Variants in MYH11 observed in about 807,000 individuals in gnomAD.
MYH11 encodes the protein myosin-11.
MYH11 carries 80 observed loss-of-function variants against 246.6 expected under a neutral mutation model. The observed-to-expected ratio is 0.32, with a 90% confidence interval of 0.27 to 0.39. MYH11 has a LOEUF of 0.39. Among genes scored for constraint, MYH11 ranks in the 10% least tolerant of loss-of-function variants. The probability of loss-of-function intolerance (pLI) is 1.00; values close to 1 mark genes in which losing one functional copy is unlikely to be tolerated. For synonymous variants in MYH11, 1,071 were observed against 1,015.5 expected (o/e 1.05, Z -1.04); for missense variants, 2,158 against 2,546.8 (o/e 0.85, Z 3.29).
chr16:15,804,362 A>C (rs1019781903), intron 3 of MYH11, among the ~76,000 whole-genome samples: 5 of 152,102 alleles, frequency 3.3e-5, no homozygotes, highest in African/African-American at 1.2e-4. Context: ...TCTCTACCAA[A>C]AATACAAAAA....
chr16:15,705,797 T>A (rs1053072407), intron 40 of MYH11, among the ~76,000 whole-genome samples: 4 of 151,692 alleles, frequency 2.6e-5, no homozygotes, highest in African/African-American at 9.7e-5. Context: ...CTGGCTAACA[T>A]GGTGAAACCG....
intron 1 of MYH11, among the ~76,000 whole-genome samples, chr16:15,853,814 GC>G (rs2044390504): frequency 6.6e-6 from 1 of 152,156 alleles, no homozygotes. Flanking sequence ...CTTGAGGTCA[GC>G]GGTTCGAGAC....
At chr16:15,765,303 G>C (rs893713721) in intron 9 of MYH11, among the ~76,000 whole-genome samples, 3 of 152,066 alleles carry the variant, frequency 2.0e-5, no homozygotes, top group South Asian at 2.1e-4. Flanking sequence ...ATAATTCATG[G>C]ATAGAGGATA....
chr16:15,792,650 T>A (rs1257218848), intron 4 of MYH11: 1 of 152,198 alleles, frequency 6.6e-6, no homozygotes, highest in Non-Finnish European at 1.5e-5. Flanking sequence ...AAGGGCCTGA[T>A]TTGACCCACT....
At chr16:15,764,342 A>C (rs1199595813) in intron 9 of MYH11, among the ~76,000 whole-genome samples, 1 of 152,124 alleles carries the variant, frequency 6.6e-6, no homozygotes, top group Non-Finnish European at 1.5e-5. Flanking sequence ...CAACTACCAC[A>C]AATCAAAACT....
intron 37 of MYH11, 91 bp downstream of exon 37, chr16:15,718,224 A>T (rs1220390647): frequency 2.0e-5 from 32 of 1,592,586 alleles, no homozygotes; most frequent in Non-Finnish European, 2.7e-5. Context: ...GCCTGCACAC[A>T]GGAAGCCGCC....
At chr16:15,818,760 C>G (rs1388904727) in intron 3 of MYH11, among the ~76,000 whole-genome samples, 2 of 152,026 alleles carry the variant, frequency 1.3e-5, no homozygotes, top group African/African-American at 2.4e-5. Flanking sequence ...AGTCCGCCAT[C>G]AATGATTTGC....
chr16:15,744,492 C>CT (rs964619609), intron 20 of MYH11, among the ~76,000 whole-genome samples: 15 of 147,284 alleles, frequency 1.0e-4, no homozygotes, highest in African/African-American at 3.3e-4. Context: ...CGTGCCTGGC[C>CT]TTTTTTTTAA....
intron 26 of MYH11, among the ~76,000 whole-genome samples, chr16:15,733,251 G>T (rs556873960): frequency 1.3e-5 from 2 of 152,152 alleles, no homozygotes; most frequent in African/African-American, 4.8e-5. Context: ...GTTTGTTTTT[G>T]AGATGGAGTT....
At chr16:15,761,186 C>T (rs978983429) in intron 10 of MYH11, among the ~76,000 whole-genome samples, 4 of 151,846 alleles carry the variant, frequency 2.6e-5, no homozygotes, top group Non-Finnish European at 4.4e-5. Flanking sequence ...TCTCAGCTCA[C>T]TGCAACCTCC....
intron 2 of MYH11, among the ~76,000 whole-genome samples, chr16:15,833,705 A>C (rs1463421355): frequency 1.3e-5 from 2 of 152,128 alleles, no homozygotes; most frequent in African/African-American, 4.8e-5. Flanking sequence ...TGCAGAACGG[A>C]GGAGAAAGTT....
intron 40 of MYH11, among the ~76,000 whole-genome samples, chr16:15,710,277 CT>C (rs1221214033): frequency 6.6e-6 from 1 of 152,122 alleles, no homozygotes; most frequent in Non-Finnish European, 1.5e-5. Context: ...AACCCCAGCA[CT>C]TTGGGAGACC....
chr16:15,715,331 TGTGTCACCTGGAGGTGGC>T, intron 38 of MYH11, 59 bp from the exon 39 acceptor site: 1 of 1,547,496 alleles, frequency 6.5e-7, no homozygotes, highest in Non-Finnish European at 8.9e-7. Flanking sequence ...TTGTAGCTGG[TGTGTCACCTGGAGGTGGC>T]ATCTTGAGTG....
intron 26 of MYH11, among the ~76,000 whole-genome samples, chr16:15,733,758 G>T (rs747808215): frequency 6.6e-6 from 1 of 152,056 alleles, no homozygotes; most frequent in Non-Finnish European, 1.5e-5. Flanking sequence ...GGCCAGGCTG[G>T]TCTCGAACTC....
intron 4 of MYH11, among the ~76,000 whole-genome samples, chr16:15,796,652 G>C (rs2042748802): frequency 6.6e-6 from 1 of 152,166 alleles, no homozygotes; most frequent in South Asian, 2.1e-4. Context: ...CTCAGAATCT[G>C]TGAATATGTT....
intron 20 of MYH11, among the ~76,000 whole-genome samples, chr16:15,743,259 C>T (rs951047353): frequency 1.3e-5 from 2 of 152,182 alleles, no homozygotes; most frequent in African/African-American, 4.8e-5. Flanking sequence ...ACCTCTGCCT[C>T]CTCGGTTCAA....
chr16:15,745,381 CAT>C (rs1160516463), intron 19 of MYH11, 144 bp from the exon 20 acceptor site: 8 of 621,970 alleles, frequency 1.3e-5, no homozygotes, highest in Admixed American at 2.7e-5. Context: ...CTGTGTGACA[CAT>C]GTGTTGTCTG....
chr16:15,753,537 C>A lies in MYH11; in HGVS notation c.1750-29G>T, dbSNP rs994832422. On this transcript the variant is annotated intron_variant, in intron 14 of 40. Coordinates refer to ENST00000300036, the MANE Select transcript of MYH11 (RefSeq NM_002474.3). Reference sequence around the variant, plus strand: ...CCAAGGACACCCTGCTGGTCAGAACCCCTGGGAAACTAGAAACTTAGAAAC... The same window carrying A: ...CCAAGGACACCCTGCTGGTCAGAACACCTGGGAAACTAGAAACTTAGAAAC... The A allele has an allele frequency of 1.9e-6, 3 of 1,572,860 alleles. No individual in the cohort carries two copies. In the African/African-American group the frequency reaches 4.0e-5, roughly 21 times the overall value.
chr16:15,706,016 G>A (rs1461673577), intron 40 of MYH11, among the ~76,000 whole-genome samples: 2 of 115,542 alleles, frequency 1.7e-5, no homozygotes, highest in Non-Finnish European at 3.4e-5. Context: ...TCAAGGCCCA[G>A]AGATTCATGA....
Sources: gnomAD v4.1 joint callset for allele counts (sites outside exome capture counted in the v4.1 genomes callset) on GRCh38, gnomAD v4.1.1 for gene constraint, MANE v1.5 for transcripts, NCBI Gene and HGNC (gene_info 2026-07-23, HGNC 2026-07-21) for gene names.